Variants in NLK observed in about 807,000 individuals in gnomAD.
The protein encoded by NLK is serine/threonine-protein kinase NLK.
Under a neutral mutation model 59.0 loss-of-function variants are expected in NLK, and 11 were observed. The ratio of observed to expected loss-of-function variants is 0.19; its 90% confidence interval spans 0.12 to 0.31. The LOEUF is 0.31. Among genes scored for constraint, NLK ranks in the 10% least tolerant of loss-of-function variants. The probability of loss-of-function intolerance (pLI) is 1.00; values close to 1 mark genes in which losing one functional copy is unlikely to be tolerated. For synonymous variants in NLK, 235 were observed against 235.9 expected, an observed-to-expected ratio of 1.00 and a Z score of 0.03; for missense variants, 410 against 661.1, an observed-to-expected ratio of 0.62 and a Z score of 4.16.
intron 3 of NLK, among the ~76,000 whole-genome samples, chr17:28,159,579 T>C (rs1907920770): frequency 6.6e-6 from 1 of 152,228 alleles, no homozygotes; most frequent in Non-Finnish European, 1.5e-5. Flanking sequence ...CACTGAAAAC[T>C]GTCCTGTAAG....
chr17:28,092,271 G>T (rs1439042294), intron 1 of NLK, among the ~76,000 whole-genome samples: 1 of 149,894 alleles, frequency 6.7e-6, no homozygotes, highest in African/African-American at 2.5e-5. Flanking sequence ...AGGCGGGGGG[G>T]TGGGGGGAGA....
At chr17:28,113,751 A>C (rs1905628513) in intron 1 of NLK, among the ~76,000 whole-genome samples, 1 of 152,216 alleles carries the variant, frequency 6.6e-6, no homozygotes. Flanking sequence ...CTGGGAATGC[A>C]GCCCAGTAGA....
At chr17:28,151,692 C>T (rs77487384) in intron 3 of NLK, among the ~76,000 whole-genome samples, 1 of 152,138 alleles carries the variant, frequency 6.6e-6, no homozygotes, top group Non-Finnish European at 1.5e-5. Flanking sequence ...AGTTAATTAA[C>T]CTGTCCCTAT....
intron 1 of NLK, among the ~76,000 whole-genome samples, chr17:28,079,401 A>G (rs559989106): frequency 6.6e-6 from 1 of 152,304 alleles, no homozygotes; most frequent in East Asian, 1.9e-4. Flanking sequence ...GCTGAATTAT[A>G]TGGTAATCCT....
At chr17:28,068,360 A>G (rs1909904878) in intron 1 of NLK, among the ~76,000 whole-genome samples, 1 of 152,202 alleles carries the variant, frequency 6.6e-6, no homozygotes, top group African/African-American at 2.4e-5. Context: ...AGGGGGAAAG[A>G]GTAAAATAAG....
chr17:28,189,104 A>G (rs1159988215), intron 8 of NLK, among the ~76,000 whole-genome samples: 1 of 152,118 alleles, frequency 6.6e-6, no homozygotes, highest in African/African-American at 2.4e-5. Context: ...AAGCAGGCAT[A>G]CAACACACAG....
intron 1 of NLK, among the ~76,000 whole-genome samples, chr17:28,079,390 T>G (rs1467898787): frequency 1.3e-5 from 2 of 152,224 alleles, no homozygotes; most frequent in African/African-American, 4.8e-5. Flanking sequence ...TAAGTAGGGT[T>G]GCTGAATTAT....
At chr17:28,166,191 G>GCACTTCA (rs1908228681) in intron 5 of NLK, among the ~76,000 whole-genome samples, 1 of 152,018 alleles carries the variant, frequency 6.6e-6, no homozygotes, top group Non-Finnish European at 1.5e-5. Flanking sequence ...CTTCAGTCTG[G>GCACTTCA]GTGACAGAGT....
chr17:28,091,818 A>G (rs532499693), intron 1 of NLK, among the ~76,000 whole-genome samples: 115 of 152,342 alleles, frequency 7.5e-4, no homozygotes, highest in Middle Eastern at 3.4e-3. Flanking sequence ...TCCAACTGAA[A>G]CAGATAATAC....
chr17:28,137,394 G>A (rs574120181), intron 3 of NLK, among the ~76,000 whole-genome samples: 12 of 152,060 alleles, frequency 7.9e-5, no homozygotes, highest in African/African-American at 2.9e-4. Flanking sequence ...TAAGTTGTGA[G>A]GGAAAATAAA....
At chr17:28,056,947 CTTTTTTTTTTTTTT>C (rs934652705) in intron 1 of NLK, among the ~76,000 whole-genome samples, 1 of 86,872 alleles carries the variant, frequency 1.2e-5, no homozygotes, top group Non-Finnish European at 2.2e-5. Context: ...CATTACCTAC[CTTTTTTTTTTTTTT>C]TTTTTTTTTT....
chr17:28,055,540 T>C (rs1434332377), intron 1 of NLK, among the ~76,000 whole-genome samples: 1 of 152,090 alleles, frequency 6.6e-6, no homozygotes, highest in Non-Finnish European at 1.5e-5. Context: ...CCTGGGAGTC[T>C]TGCCATGTTG....
intron 1 of NLK, among the ~76,000 whole-genome samples, chr17:28,050,817 A>C (rs748212011): frequency 6.6e-6 from 1 of 152,142 alleles, no homozygotes; most frequent in East Asian, 1.9e-4. Context: ...ATAAAAAGTC[A>C]AAGAAGGCCG....
At chr17:28,135,201 T>G (rs1396807861) in intron 3 of NLK, among the ~76,000 whole-genome samples, 1 of 152,210 alleles carries the variant, frequency 6.6e-6, no homozygotes, top group Non-Finnish European at 1.5e-5. Context: ...TTATTAAATA[T>G]GAATTTTGCT....
intron 10 of NLK, among the ~76,000 whole-genome samples, chr17:28,192,475 CCTGA>C (rs1464101938): frequency 6.6e-6 from 1 of 152,064 alleles, no homozygotes. Context: ...TCAAGACCAG[CCTGA>C]CTAACATGGA....
chr17:28,132,565 G>T (rs778584965), intron 2 of NLK, 55 bp from the exon 3 acceptor site: 4 of 1,365,760 alleles, frequency 2.9e-6, no homozygotes, highest in East Asian at 2.4e-5. Context: ...CATTTATGTC[G>T]AATTTTGTTT....
At position 28,166,348 on chromosome 17, in the gene NLK, T is replaced by A. The variant is rs561373014; in HGVS notation, c.838-2100T>A. ...AGTTGTAAAGATGGTGGCTTCATAC[T>A]GATTCATTCCCACATACACATCTGA... On this transcript the variant is annotated intron_variant, in intron 5 of 10. Transcript: ENST00000407008. 7.0e-4 allele frequency among the ~76,000 whole-genome samples: 107 copies of A among 152,326 alleles called. 2 individuals are homozygous for A. Among genetic ancestry groups the A allele is most frequent in the South Asian group, 3.5e-3 (17 of 4,832 alleles).
At chr17:28,191,583 G>A (rs989202970) in intron 9 of NLK, among the ~76,000 whole-genome samples, 5 of 152,150 alleles carry the variant, frequency 3.3e-5, no homozygotes, top group East Asian at 1.9e-4. Flanking sequence ...TTCCTTGGAC[G>A]ATGACAAGAG....
At chr17:28,127,669 T>C (rs1906345990) in intron 2 of NLK, among the ~76,000 whole-genome samples, 1 of 152,256 alleles carries the variant, frequency 6.6e-6, no homozygotes, top group Non-Finnish European at 1.5e-5. Flanking sequence ...AGTATTGCTA[T>C]ACATTTCAGT....
Sources: allele counts gnomAD v4.1 joint callset (sites outside exome capture counted in the v4.1 genomes callset), GRCh38; gene constraint gnomAD v4.1.1; transcripts MANE v1.5; gene names NCBI Gene and HGNC (gene_info 2026-07-23, HGNC 2026-07-21).